Variants in TAF6 observed in about 807,000 individuals in gnomAD.
TAF6 encodes transcription initiation factor TFIID subunit 6.
Under a neutral mutation model 73.5 loss-of-function variants are expected in TAF6, and 50 were observed. The ratio of observed to expected loss-of-function variants is 0.68; its 90% CI spans 0.54 to 0.86. The LOEUF (loss-of-function observed/expected upper bound fraction) is 0.86. Among genes scored for constraint, TAF6 ranks in the 40% least tolerant of loss-of-function variants. The pLI is 0.00. For missense variants in TAF6, 768 were observed against 899.5 expected, an observed-to-expected ratio of 0.85 and a Z score of 1.87; for synonymous variants, 424 against 376.7, an observed-to-expected ratio of 1.13 and a Z score of -1.45.
chr7:100,108,396 C>G lies in TAF6; in HGVS notation c.1429G>C (p.Val477Leu). The G allele has an allele frequency of 6.2e-7, 1 of 1,611,980 alleles. No homozygotes were observed. The highest frequency in any genetic ancestry group is 8.5e-7 in the Non-Finnish European group (1 of 1,178,458). The change falls in exon 13 of 15, where the codon GTC becomes CTC. Residue 477 changes from valine to leucine, a missense_variant. By Grantham distance (32) the Val-to-Leu change is conservative. Coordinates refer to ENST00000453269, the MANE Select transcript of TAF6 (RefSeq NM_139315.3). ...RAQAALQAQQ[V>L]NRTTLTITQP... ...GTGATGGTCAGAGTGGTCCTGTTGA[C>G]CTGCTGAGCCTGCAGAGCAGCCTGG...
In TAF6 at chr7:100,113,623, G is replaced by A. The variant is rs1797401615; in HGVS notation, c.390C>T (p.Cys130=). The A allele has an allele frequency of 2.5e-6, 4 of 1,613,860 alleles. No homozygotes were observed. Among genetic ancestry groups the A allele is most frequent in the Admixed American group, 3.3e-5 (2 of 59,964 alleles). Reference sequence around the variant, plus strand: ...GCTCTCCCCTCCCCCAACCTTTGAGGCAGACGTCCAGGGGCACCCGGGGCA... The same window carrying A: ...GCTCTCCCCTCCCCCAACCTTTGAGACAGACGTCCAGGGGCACCCGGGGCA... The part of the protein sequence containing the change: ...TPLPRVPLDV[C]LKAHWLSIEG... Residue 130 remains cysteine (C), a synonymous_variant, in exon 4 of 15, where the codon TGC becomes TGT. Transcript: ENST00000453269.
At chr7:100,111,069 C>G in intron 10 of TAF6, 70 bp downstream of exon 10, 1 of 1,558,788 alleles carries the variant, frequency 6.4e-7, no homozygotes, top group Non-Finnish European at 8.8e-7. Flanking sequence ...CCCCTTGTTT[C>G]CAGTGTGACT....
upstream of TAF6, among the ~76,000 whole-genome samples, chr7:100,124,149 A>G (rs1044291236): frequency 3.3e-5 from 5 of 151,828 alleles, no homozygotes; most frequent in African/African-American, 4.8e-5. Flanking sequence ...AAAAAAAAAA[A>G]AGTAACAATG....
In TAF6 at chr7:100,112,305, A is replaced by G. The variant is rs912360315; in HGVS notation, c.575-52T>C. ...CAAAGAAAGCTCCAGAAGAAACCTC[A>G]GTAACAGAAGAACCTTAACCCTCCA... On this transcript the variant is annotated intron_variant, in intron 6 of 14. Coordinates refer to ENST00000453269, the MANE Select transcript of TAF6 (RefSeq NM_139315.3). 15 of 1,584,282 alleles carry G rather than the reference A, an allele frequency of 9.5e-6. No homozygotes were observed. In the African/African-American group the frequency reaches 2.0e-4, roughly 22 times the overall value.
rs1797253572 is a variant in TAF6 at position 100,112,262 on chromosome 7, T to C, written c.575-9A>G. ...CGCCTTCTTCTCTTTCCCTGTGTGA[T>C]TGGAAAGGTGGGTCTGACAAAGAAA... On this transcript the variant is annotated splice_polypyrimidine_tract_variant and intron_variant, in intron 6 of 14. Coordinates refer to ENST00000453269, the MANE Select transcript of TAF6 (RefSeq NM_139315.3). The C allele has an allele frequency of 6.2e-6, 10 of 1,609,706 alleles. No homozygotes were observed. Among genetic ancestry groups the C allele is most frequent in the South Asian group, 5.5e-5 (5 of 90,692 alleles).
In TAF6 at chr7:100,112,233, G is replaced by A; in HGVS notation, c.595C>T (p.Pro199Ser). Reference sequence around the variant, plus strand: ...CGCAAGGGGGCCCCCTCCAGCAAGGGCGGCGCCTTCTTCTCTTTCCCTGTG... The same window carrying A: ...CGCAAGGGGGCCCCCTCCAGCAAGGACGGCGCCTTCTTCTCTTTCCCTGTG... The part of the protein sequence containing the change: ...DGKGKEKKAP[P>S]LLEGAPLRLK... Residue 199 changes from proline (P) to serine (S), a missense_variant, in exon 7 of 15, where the codon CCC becomes TCC. Coordinates refer to ENST00000453269, the MANE Select transcript of TAF6 (RefSeq NM_139315.3). The A allele has an allele frequency of 6.2e-7, 1 of 1,613,760 alleles. No individual in the cohort carries two copies. The highest frequency in any genetic ancestry group is 8.5e-7 in the Non-Finnish European group (1 of 1,179,842).
Position 100,113,514 on chromosome 7 carries a change from G to A in TAF6, c.397+102C>T, listed in dbSNP as rs1371997337. ...CCTGCTCCCCTTGCAACTCACCAGGGATCTCACACTGAGCTTTTCTTCTAT... is the reference window on the plus strand; with the variant it reads ...CCTGCTCCCCTTGCAACTCACCAGGAATCTCACACTGAGCTTTTCTTCTAT... On this transcript the variant is annotated intron_variant, in intron 4 of 14. Transcript: ENST00000453269. 2.0e-5 allele frequency: 31 copies of A among 1,544,430 alleles called. No homozygotes were observed. In the Admixed American group the frequency reaches 3.9e-4, roughly 19 times the overall value.
At chr7:100,120,959 T>C (rs1180300587), upstream of TAF6, among the ~76,000 whole-genome samples, 1 of 151,796 alleles carries the variant, frequency 6.6e-6, no homozygotes. Context: ...AGGAGCTCAA[T>C]AAATAACTGC....
upstream of TAF6, chr7:100,121,118 T>TATACATATA (rs1798048567): frequency 3.1e-5 from 1 of 31,894 alleles, no homozygotes; most frequent in Non-Finnish European, 5.4e-5. Context: ...ATATATATAT[T>TATACATATA]TTTTTTTTTT....
chr7:100,112,805 G>A lies in TAF6; in HGVS notation c.567C>T (p.Asp189=), dbSNP rs934976921. 2.7e-5 allele frequency: 44 copies of A among 1,612,118 alleles called. No homozygotes were observed. In the Middle Eastern group the frequency reaches 4.9e-4, roughly 18 times the overall value. The change falls in exon 6 of 15, where the codon GAC becomes GAT. Residue 189 remains aspartate, a synonymous_variant. Transcript: ENST00000453269. ...TAGCCTAGGAGGACTGACCTTTGCC[G>A]TCGGCTGTGGTGGCCCCTTGACCTT... is the stretch of plus-strand genomic sequence containing the variant. ...KGKGQGATTA[D]GKGKEKKAPP... is the part of the protein sequence containing the mutation.
Position 100,108,619 on chromosome 7 carries a change from GAGAAGAACCTTGGGGATGGGGTAA to G in TAF6, c.1285-103_1285-80del. ...TAGAGGGAGGGCTGGTGACACTCTT[GAGAAGAACCTTGGGGATGGGGTAA>G]AAAAGGACATTCCTTATCATCTCAG... On this transcript the variant is annotated intron_variant, in intron 12 of 14. Transcript: ENST00000453269. The G allele has an allele frequency of 2.0e-6, 3 of 1,478,282 alleles. No individual in the cohort carries two copies. The South Asian group carries it at 3.9e-5, about 19-fold the overall frequency. 91.6% of individuals were successfully genotyped at this position (1,478,282 alleles called of 1,614,324 possible).
At chr7:100,111,705 G>A (rs763314306) in intron 9 of TAF6, 23 bp downstream of exon 9, 1 of 1,611,780 alleles carries the variant, frequency 6.2e-7, no homozygotes, top group Non-Finnish European at 8.5e-7. Context: ...TCCCTGGAAG[G>A]GAGGATGGGC....
chr7:100,121,866 C>G (rs979022975), upstream of TAF6, among the ~76,000 whole-genome samples: 1 of 146,042 alleles, frequency 6.8e-6, no homozygotes, highest in Non-Finnish European at 1.5e-5. Context: ...CTGGCTAACA[C>G]GGTGAAACCC....
chr7:100,124,864 C>T, the TAF6 span: 2 of 1,601,556 alleles, frequency 1.2e-6, no homozygotes. Context: ...GAAGCCACCC[C>T]AAACTTGACC....
upstream of TAF6, chr7:100,121,110 A>ATTTTTTTTTTTTTTTTTTTT (rs1798036782): frequency 7.0e-5 from 2 of 28,398 alleles, no homozygotes; most frequent in African/African-American, 1.4e-4. Flanking sequence ...ATATATATAT[A>ATTTTTTTTTTTTTTTTTTTT]TATATATTTT....
intron 12 of TAF6, among the ~76,000 whole-genome samples, chr7:100,109,199 C>A (rs1252940015): frequency 6.6e-6 from 1 of 151,806 alleles, no homozygotes; most frequent in Non-Finnish European, 1.5e-5. Context: ...TGGCGCGTGC[C>A]TGTGGTCCCA....
At chr7:100,122,284 A>G (rs777001428), upstream of TAF6, 5 of 1,614,084 alleles carry the variant, frequency 3.1e-6, no homozygotes, top group East Asian at 2.2e-5. Flanking sequence ...GCACAGAGCT[A>G]CAGGCGGAAC....
Position 100,107,142 on chromosome 7 carries a change from G to A in TAF6, c.*104C>T. 1 of 1,456,304 alleles carries A rather than the reference G, an allele frequency of 6.9e-7. No individual in the cohort carries two copies. The highest frequency in any genetic ancestry group is 9.1e-7 in the Non-Finnish European group (1 of 1,093,150). 90.2% of individuals were successfully genotyped at this position (1,456,304 alleles called of 1,614,324 possible). Reference sequence around the variant, plus strand: ...TATCTAAAAAGAAAGTGACATGAAGGAAGCAATCTACAACTTCCTTCCGCT... The same window carrying A: ...TATCTAAAAAGAAAGTGACATGAAGAAAGCAATCTACAACTTCCTTCCGCT... On this transcript the variant is annotated 3_prime_UTR_variant, in exon 15 of 15. Coordinates refer to ENST00000453269, the MANE Select transcript of TAF6 (RefSeq NM_139315.3).
At chr7:100,120,023 A>C (rs1339163486), upstream of TAF6, 1 of 585,180 alleles carries the variant, frequency 1.7e-6, no homozygotes, top group African/African-American at 1.9e-5. Flanking sequence ...AAGGAAGCGA[A>C]CGTGTAGTGC....
Sources: gnomAD v4.1 joint callset for allele counts (sites outside exome capture counted in the v4.1 genomes callset) on GRCh38, gnomAD v4.1.1 for gene constraint, MANE v1.5 for transcripts, NCBI Gene and HGNC (gene_info 2026-07-23, HGNC 2026-07-21) for gene names.